The following CLVS1 variants were observed in gnomAD, a reference collection of about 807,000 sequenced individuals.
CLVS1 encodes the protein clavesin 1.
CLVS1 carries 10 observed loss-of-function variants against 33.1 expected under a neutral mutation model. That is an observed-to-expected ratio of 0.30 (90% CI 0.19 to 0.51). The LOEUF (loss-of-function observed/expected upper bound fraction) is 0.51. Ranked by LOEUF, CLVS1 falls within the 20% of genes least tolerant of loss-of-function variation. The pLI, the probability that CLVS1 is intolerant of heterozygous loss-of-function variation, is 0.97. For synonymous variants in CLVS1, 163 were observed against 166.1 expected (o/e 0.98, Z 0.14); for missense variants, 343 against 433.4 (o/e 0.79, Z 1.85).
At chr8:61,309,235 T>A (rs1190458231) in intron 2 of CLVS1, among the ~76,000 whole-genome samples, 1 of 152,140 alleles carries the variant, frequency 6.6e-6, no homozygotes, top group Non-Finnish European at 1.5e-5. Flanking sequence ...TTGGTTCAGT[T>A]TGAAAGTGAA....
At chr8:61,243,782 T>C (rs187886570) in intron 2 of CLVS1, among the ~76,000 whole-genome samples, 1 of 152,330 alleles carries the variant, frequency 6.6e-6, no homozygotes, top group East Asian at 1.9e-4. Flanking sequence ...AACCAATTAT[T>C]AGCTATTTAT....
At chr8:61,405,413 A>G (rs967888733) in intron 3 of CLVS1, among the ~76,000 whole-genome samples, 10 of 152,186 alleles carry the variant, frequency 6.6e-5, no homozygotes, top group South Asian at 2.1e-4. Context: ...CAAGACAACA[A>G]TCATACTTAG....
intron 3 of CLVS1, among the ~76,000 whole-genome samples, chr8:61,403,621 A>G (rs542929016): frequency 6.6e-6 from 1 of 152,196 alleles, no homozygotes; most frequent in African/African-American, 2.4e-5. Flanking sequence ...CTGAAGATGC[A>G]TTCAGAATTT....
chr8:61,090,690 A>G (rs985263152), intron 1 of CLVS1, among the ~76,000 whole-genome samples: 1 of 152,180 alleles, frequency 6.6e-6, no homozygotes, highest in Non-Finnish European at 1.5e-5. Flanking sequence ...TTGAACAGCA[A>G]TGTCTATAAC....
chr8:61,307,062 T>C (rs1810655605), intron 2 of CLVS1, among the ~76,000 whole-genome samples: 1 of 152,136 alleles, frequency 6.6e-6, no homozygotes, highest in African/African-American at 2.4e-5. Context: ...GAATGGGGGG[T>C]TGTTGGTGAA....
intron 1 of CLVS1, among the ~76,000 whole-genome samples, chr8:61,063,401 T>G (rs534913001): frequency 6.6e-6 from 1 of 152,044 alleles, no homozygotes; most frequent in African/African-American, 2.4e-5. Flanking sequence ...TGAGAAGGTA[T>G]TTTCCAGCTG....
upstream of CLVS1, chr8:61,057,076 CCAGA>C (rs1198412489): frequency 6.6e-6 from 1 of 152,098 alleles, no homozygotes; most frequent in Non-Finnish European, 1.5e-5. Context: ...GGAGTAGGAG[CCAGA>C]CAAAGGCACA....
intron 5 of CLVS1, among the ~76,000 whole-genome samples, chr8:61,492,357 T>C (rs930824995): frequency 1.3e-5 from 2 of 152,246 alleles, no homozygotes; most frequent in African/African-American, 4.8e-5. Flanking sequence ...GTACTAAAAG[T>C]CATTAAAATT....
intron 3 of CLVS1, among the ~76,000 whole-genome samples, chr8:61,395,475 C>A (rs1193477914): frequency 6.6e-6 from 1 of 152,104 alleles, no homozygotes. Flanking sequence ...CACACACACA[C>A]AAAAATGATA....
At chr8:61,051,400 G>A in the CLVS1 span, among the ~76,000 whole-genome samples, 1 of 152,222 alleles carries the variant, frequency 6.6e-6, no homozygotes, top group Non-Finnish European at 1.5e-5. Context: ...TAGGGGAGTT[G>A]GGAAAATGGG....
At position 61,433,377 on chromosome 8, in the gene CLVS1, A is replaced by T. The variant is rs76590352; in HGVS notation, c.631-20764A>T. On this transcript the variant is annotated intron_variant, in intron 3 of 5. Transcript: ENST00000325897. ...GGCTCTCAGTAAATCTACATTTTAC[A>T]TACAATAAAGTAAAGATGTGAAATT... Among the ~76,000 whole-genome samples the T allele has an allele frequency of 2.9e-3, 435 of 152,364 alleles. 2 individuals are homozygous for T. Among genetic ancestry groups the T allele is most frequent in the African/African-American group, 9.7e-3 (403 of 41,588 alleles).
At chr8:61,398,132 C>G (rs1814605557) in intron 3 of CLVS1, among the ~76,000 whole-genome samples, 1 of 146,348 alleles carries the variant, frequency 6.8e-6, no homozygotes, top group Non-Finnish European at 1.5e-5. Flanking sequence ...TTATTTAGAT[C>G]TTTAATTTCA....
chr8:61,191,722 T>C (rs1035130659), intron 2 of CLVS1, among the ~76,000 whole-genome samples: 3 of 152,274 alleles, frequency 2.0e-5, no homozygotes, highest in East Asian at 3.9e-4. Context: ...AGCATTCTTA[T>C]ACACCAATAA....
chr8:61,044,089 GA>G, the CLVS1 span, among the ~76,000 whole-genome samples: 8 of 152,168 alleles, frequency 5.3e-5, no homozygotes, highest in African/African-American at 1.2e-4. Context: ...AGTTGGACCT[GA>G]AGCAAGAAAA....
intron 2 of CLVS1, among the ~76,000 whole-genome samples, chr8:61,349,047 T>A (rs1812343199): frequency 6.6e-6 from 1 of 152,186 alleles, no homozygotes; most frequent in Non-Finnish European, 1.5e-5. Flanking sequence ...ATTCAGGTCC[T>A]TTGCCCATTT....
chr8:61,093,460 A>T lies in CLVS1; in HGVS notation c.-243+36230A>T, dbSNP rs554707219. Among the ~76,000 whole-genome samples the T allele has an allele frequency of 4.6e-5, 7 of 152,344 alleles. No homozygotes were observed. The South Asian group carries it at 1.4e-3, about 32-fold the overall frequency. ...ATTCAGGTTTTTCCCAAATGCTGGA[A>T]AAAGATTGCTCATTATAATGTGCTT... On this transcript the variant is annotated intron_variant, in intron 1 of 2. Transcript: ENST00000522621.
chr8:61,369,834 TC>T (rs1053829521), intron 2 of CLVS1, among the ~76,000 whole-genome samples: 1 of 152,174 alleles, frequency 6.6e-6, no homozygotes, highest in Non-Finnish European at 1.5e-5. Context: ...GGAGGATTTT[TC>T]CCCAGTCTAG....
rs1371979857 is a variant in CLVS1 at position 61,120,743 on chromosome 8, G to T, written c.-242-11027G>T. On this transcript the variant is annotated intron_variant, in intron 1 of 2. Coordinates refer to the CLVS1 transcript ENST00000522621. ...CAGTCTGCCCGTTCTCAGATCTCCA[G>T]CTGCGTGCTGGGAGAACCACTGCTC... Among the ~76,000 whole-genome samples the T allele has an allele frequency of 4.9e-5, 7 of 143,618 alleles. No homozygotes were observed. The South Asian group carries it at 7.1e-4, about 14-fold the overall frequency. The allele number at this position is 143,618 out of a possible 152,430, so 94.2% of individuals were successfully genotyped here.
intron 3 of CLVS1, among the ~76,000 whole-genome samples, chr8:61,417,623 G>A (rs1815492043): frequency 6.6e-6 from 1 of 152,114 alleles, no homozygotes; most frequent in Non-Finnish European, 1.5e-5. Flanking sequence ...AATTTTTACT[G>A]GCATAAAATA....
Sources: gnomAD v4.1 joint callset for allele counts (sites outside exome capture counted in the v4.1 genomes callset) on GRCh38, gnomAD v4.1.1 for gene constraint, MANE v1.5 for transcripts, NCBI Gene and HGNC (gene_info 2026-07-23, HGNC 2026-07-21) for gene names.